Variants in ARFIP1 observed in about 807,000 individuals in gnomAD.
The protein encoded by ARFIP1 is arfaptin-1.
A neutral mutation model predicts 42.5 loss-of-function variants in ARFIP1; 24 were observed. The observed-to-expected ratio is 0.57, with a 90% CI of 0.41 to 0.80. ARFIP1 has a LOEUF of 0.80. ARFIP1 is among the 30% of genes least tolerant of loss of function. The pLI is 0.00. For synonymous variants in ARFIP1, 141 were observed against 153.7 expected, an observed-to-expected ratio of 0.92 and a Z score of 0.61; for missense variants, 354 against 434.0, an observed-to-expected ratio of 0.82 and a Z score of 1.64.
At chr4:152,875,817 C>T (rs1735282890) in intron 5 of ARFIP1, among the ~76,000 whole-genome samples, 1 of 151,486 alleles carries the variant, frequency 6.6e-6, no homozygotes, top group African/African-American at 2.4e-5. Flanking sequence ...TCCTAGAATT[C>T]CCATGAGTTG....
At chr4:152,876,930 G>A (rs1020240170) in intron 5 of ARFIP1, among the ~76,000 whole-genome samples, 1 of 152,252 alleles carries the variant, frequency 6.6e-6, no homozygotes, top group Admixed American at 6.5e-5. Context: ...GTGCACAGAA[G>A]TCAGGAATTG....
At chr4:152,846,375 A>G (rs920771583) in intron 2 of ARFIP1, among the ~76,000 whole-genome samples, 5 of 152,148 alleles carry the variant, frequency 3.3e-5, no homozygotes, top group African/African-American at 1.2e-4. Flanking sequence ...TTAAACGCAC[A>G]CACACGCACA....
intron 8 of ARFIP1, among the ~76,000 whole-genome samples, chr4:152,902,112 A>G (rs762818774): frequency 6.6e-6 from 1 of 152,260 alleles, no homozygotes; most frequent in Non-Finnish European, 1.5e-5. Flanking sequence ...TGAGTTTCCC[A>G]GATCCCAATC....
At position 152,897,773 on chromosome 4, in the gene ARFIP1, A is replaced by G. The variant is rs769048889; in HGVS notation, c.966+9466A>G. 4.5e-4 allele frequency among the ~76,000 whole-genome samples: 69 copies of G among 152,242 alleles called. No homozygotes were observed. The Middle Eastern group carries it at 0.01, about 23-fold the overall frequency. The stretch of plus-strand genomic sequence containing the variant: ...ATAAAGGTGAGTTTTTAAGTGATCA[A>G]TGTGATACTTGAACAGATCACTAAT... On this transcript the variant is annotated intron_variant, in intron 8 of 8. Transcript: ENST00000353617.
intron 2 of ARFIP1, among the ~76,000 whole-genome samples, chr4:152,836,583 A>G (rs1228181072): frequency 6.6e-6 from 1 of 151,992 alleles, no homozygotes; most frequent in Non-Finnish European, 1.5e-5. Flanking sequence ...TTTATTTACT[A>G]CAGTAATTAA....
chr4:152,796,221 A>G, intron 1 of ARFIP1: 1 of 845,780 alleles, frequency 1.2e-6, no homozygotes, highest in Non-Finnish European at 2.0e-6. Flanking sequence ...AAAGTTGTAT[A>G]CAGCGGGAAT....
chr4:152,904,168 A>ATG (rs35408103), intron 8 of ARFIP1, among the ~76,000 whole-genome samples: 11 of 132,744 alleles, frequency 8.3e-5, no homozygotes, highest in East Asian at 4.5e-4. Context: ...CTATATATAT[A>ATG]TGTGTGTGTG....
rs77183659 is a variant in ARFIP1 at position 152,798,885 on chromosome 4, T to G, written c.-10+18659T>G. Among the ~76,000 whole-genome samples, 823 of 152,348 alleles carry G rather than the reference T, an allele frequency of 5.4e-3. 8 individuals are homozygous for G. The highest frequency in any genetic ancestry group is 0.014 in the South Asian group (69 of 4,826). On this transcript the variant is annotated intron_variant, in intron 1 of 8. Coordinates refer to ENST00000353617, the MANE Select transcript of ARFIP1 (RefSeq NM_001025595.3). ...GAAACAGAAATAGCACATTAAACTT[T>G]TCTTGAATGAAATTTGAGTATAATG... is the stretch of plus-strand genomic sequence containing the variant.
chr4:152,877,362 C>T (rs116098576), intron 5 of ARFIP1, among the ~76,000 whole-genome samples: 4,023 of 152,232 alleles, frequency 0.026, 81 homozygotes, highest in Non-Finnish European at 0.041. Context: ...TTTGACTGCC[C>T]TGATGGATTT....
chr4:152,847,460 A>G (rs1042522305), intron 2 of ARFIP1, among the ~76,000 whole-genome samples: 2 of 151,924 alleles, frequency 1.3e-5, no homozygotes, highest in Non-Finnish European at 2.9e-5. Context: ...TGGGGCAGCA[A>G]CAGCCAGATG....
chr4:152,910,296 G>T lies in ARFIP1; in HGVS notation c.*77G>T. On this transcript the variant is annotated 3_prime_UTR_variant, in exon 9 of 9. Coordinates refer to ENST00000353617, the MANE Select transcript of ARFIP1 (RefSeq NM_001025595.3). ...CCTAACAAGAATTAAGCAGAGTTGG[G>T]GGAAGTGGGAGGGGTGACAAGCATT... 1 of 1,495,866 alleles carries T rather than the reference G, an allele frequency of 6.7e-7. No homozygotes were observed. The highest frequency in any genetic ancestry group is 1.3e-5 in the South Asian group (1 of 78,166). 92.7% of individuals were successfully genotyped at this position (1,495,866 alleles called of 1,614,324 possible). A position where few individuals can be genotyped will look rare whatever the true frequency, so the allele number is the denominator to read the frequency against.
At chr4:152,796,942 G>A (rs930993606) in intron 1 of ARFIP1, 38 of 281,464 alleles carry the variant, frequency 1.4e-4, no homozygotes, top group African/African-American at 8.3e-4. Flanking sequence ...GGTGTATGTT[G>A]CGAATATTTC....
intron 7 of ARFIP1, among the ~76,000 whole-genome samples, chr4:152,883,963 G>A (rs1411751091): frequency 1.3e-5 from 2 of 151,674 alleles, no homozygotes; most frequent in Non-Finnish European, 2.9e-5. Context: ...AATGGTATGA[G>A]AAATACCTGT....
chr4:152,884,329 C>G (rs1736098023), intron 7 of ARFIP1, among the ~76,000 whole-genome samples: 2 of 151,870 alleles, frequency 1.3e-5, no homozygotes, highest in South Asian at 4.1e-4. Flanking sequence ...TTATATTTTT[C>G]AAAGGGTTCA....
chr4:152,864,905 T>A lies in ARFIP1; in HGVS notation c.202+1191T>A, dbSNP rs903788771. On this transcript the variant is annotated intron_variant, in intron 3 of 8. Transcript: ENST00000353617. ...CTTAATGCTTTTACTTGTGATAACT[T>A]TTTTAAACTTTTTTTTTTTTTTTTT... Among the ~76,000 whole-genome samples, 7 of 150,048 alleles carry A rather than the reference T, an allele frequency of 4.7e-5. No homozygotes were observed. In the South Asian group the frequency reaches 1.5e-3, roughly 31 times the overall value.
At chr4:152,898,427 C>T (rs1294090553) in intron 8 of ARFIP1, among the ~76,000 whole-genome samples, 1 of 152,118 alleles carries the variant, frequency 6.6e-6, no homozygotes, top group Non-Finnish European at 1.5e-5. Context: ...TCCTCATAAA[C>T]TTAATAACAT....
chr4:152,874,425 T>G (rs1284662992), intron 5 of ARFIP1, among the ~76,000 whole-genome samples: 1 of 152,234 alleles, frequency 6.6e-6, no homozygotes, highest in Non-Finnish European at 1.5e-5. Flanking sequence ...AGTATCTGAC[T>G]TACATGATTC....
At chr4:152,895,628 A>G (rs1737252872) in intron 8 of ARFIP1, among the ~76,000 whole-genome samples, 2 of 133,258 alleles carry the variant, frequency 1.5e-5, no homozygotes, top group Admixed American at 9.0e-5. Flanking sequence ...TGGTGTGATC[A>G]TGGCTCACTG....
At chr4:152,864,164 A>G (rs866751869) in intron 3 of ARFIP1, among the ~76,000 whole-genome samples, 1 of 152,160 alleles carries the variant, frequency 6.6e-6, no homozygotes, top group East Asian at 1.9e-4. Flanking sequence ...AATTATTCCT[A>G]AATTTCCTCC....
Sources: allele counts gnomAD v4.1 joint callset (sites outside exome capture counted in the v4.1 genomes callset), GRCh38; gene constraint gnomAD v4.1.1; transcripts MANE v1.5; gene names NCBI Gene and HGNC (gene_info 2026-07-23, HGNC 2026-07-21).